ACYP2: variants seen among roughly 807,000 people sequenced by gnomAD.
ACYP2 encodes acylphosphatase 2.
ACYP2 carries 12 observed loss-of-function variants against 11.2 expected under a neutral mutation model. The ratio of observed to expected loss-of-function variants is 1.08; its 90% CI spans 0.69 to 1.74. The LOEUF (loss-of-function observed/expected upper bound fraction) is 1.74, where lower values mean the gene tolerates loss of function less well. Among genes scored for constraint, ACYP2 ranks in the 40% most tolerant of loss-of-function variants. ACYP2 has a pLI of 0.00. For synonymous variants in ACYP2, 43 were observed against 32.2 expected (o/e 1.33, Z -1.13); for missense variants, 134 against 101.9 (o/e 1.31, Z -1.35).
chr2:54,202,706 CTTTTTTTTTTTTTTTT>C (rs70944152), intron 6 of ACYP2, among the ~76,000 whole-genome samples: 4 of 43,052 alleles, frequency 9.3e-5, no homozygotes, highest in Non-Finnish European at 1.3e-4. Flanking sequence ...CGGCGCCTGG[CTTTTTTTTTTTTTTTT>C]TTTTTTTTTT....
At chr2:54,049,792 T>A (rs1449663710) in intron 2 of ACYP2, among the ~76,000 whole-genome samples, 1 of 152,240 alleles carries the variant, frequency 6.6e-6, no homozygotes, top group Non-Finnish European at 1.5e-5. Context: ...CTCTTTCAGA[T>A]TGGCTCCACA....
At chr2:54,130,829 T>C (rs1360729665) in intron 4 of ACYP2, among the ~76,000 whole-genome samples, 4 of 152,194 alleles carry the variant, frequency 2.6e-5, no homozygotes, top group African/African-American at 9.7e-5. Context: ...CTCCTATCTG[T>C]AATGTTCTAC....
At chr2:54,101,801 C>T (rs1392303844) in intron 4 of ACYP2, among the ~76,000 whole-genome samples, 2 of 151,866 alleles carry the variant, frequency 1.3e-5, no homozygotes, top group Non-Finnish European at 2.9e-5. Flanking sequence ...TTTAGCTTAA[C>T]GGAAAAATGA....
At chr2:54,083,709 C>T (rs57056959) in intron 4 of ACYP2, among the ~76,000 whole-genome samples, 60 of 152,192 alleles carry the variant, frequency 3.9e-4, no homozygotes, top group African/African-American at 1.4e-3. Flanking sequence ...CCCCATCCCC[C>T]CAAAGGCACA....
chr2:54,201,622 TTG>T (rs70944150), intron 6 of ACYP2, among the ~76,000 whole-genome samples: 2,553 of 105,296 alleles, frequency 0.024, 66 homozygotes, highest in South Asian at 0.04. Flanking sequence ...CTTTCTTTCT[TTG>T]TTTCTTTCTT....
Position 54,203,400 on chromosome 2 carries a change from T to C in ACYP2, c.404+64652T>C, listed in dbSNP as rs529334181. Among the ~76,000 whole-genome samples the C allele has an allele frequency of 4.6e-5, 7 of 152,200 alleles. No individual in the cohort carries two copies. The South Asian group carries it at 1.4e-3, about 31-fold the overall frequency. ...AGAATCATCTATATATAAGATCATG[T>C]CATATGCAAATAGAGATAGTTTTAC... On this transcript the variant is annotated intron_variant, in intron 6 of 6. Coordinates refer to ENST00000607452, the MANE Select transcript of ACYP2 (RefSeq NM_001320586.2).
At chr2:54,128,474 C>G (rs1022279608) in intron 4 of ACYP2, among the ~76,000 whole-genome samples, 1 of 151,944 alleles carries the variant, frequency 6.6e-6, no homozygotes, top group African/African-American at 2.4e-5. Flanking sequence ...TTGAGACTAG[C>G]CTGAGCAGCA....
intron 6 of ACYP2, among the ~76,000 whole-genome samples, chr2:54,150,454 C>T (rs1041380802): frequency 2.0e-5 from 3 of 152,146 alleles, no homozygotes; most frequent in African/African-American, 7.2e-5. Flanking sequence ...AGAGTTTCGC[C>T]TTGTGGCCCA....
intron 6 of ACYP2, among the ~76,000 whole-genome samples, chr2:54,285,469 A>T (rs539536958): frequency 1.3e-5 from 2 of 152,232 alleles, no homozygotes; most frequent in South Asian, 4.2e-4. Flanking sequence ...CCAATTTATA[A>T]TTCCAGTTTC....
chr2:54,208,869 G>A (rs1215148), intron 6 of ACYP2, among the ~76,000 whole-genome samples: 35,868 of 151,994 alleles, frequency 0.24, 4,552 homozygotes, highest in South Asian at 0.38. Flanking sequence ...GTGATTGTGT[G>A]TGTGTGTGCA....
intron 2 of ACYP2, among the ~76,000 whole-genome samples, chr2:54,011,385 A>G (rs953967976): frequency 6.6e-6 from 1 of 152,130 alleles, no homozygotes; most frequent in African/African-American, 2.4e-5. Flanking sequence ...AATAATATTC[A>G]TTGGCACTGT....
intron 2 of ACYP2, among the ~76,000 whole-genome samples, chr2:54,012,275 C>G (rs1673415873): frequency 6.6e-6 from 1 of 151,862 alleles, no homozygotes; most frequent in Non-Finnish European, 1.5e-5. Context: ...GACATGGTGG[C>G]TCACACGATC....
At chr2:54,006,320 G>C (rs1673060848) in intron 2 of ACYP2, among the ~76,000 whole-genome samples, 1 of 151,984 alleles carries the variant, frequency 6.6e-6, no homozygotes, top group African/African-American at 2.4e-5. Flanking sequence ...GCTAATTTTT[G>C]TATTTTTAGT....
intron 6 of ACYP2, chr2:54,166,867 C>G (rs1444497946): frequency 2.0e-5 from 3 of 152,152 alleles, no homozygotes; most frequent in African/African-American, 7.2e-5. Flanking sequence ...AGATGCAGCT[C>G]ACAAGCCAGG....
chr2:54,164,555 G>A (rs1195154619), intron 6 of ACYP2, among the ~76,000 whole-genome samples: 2 of 152,158 alleles, frequency 1.3e-5, no homozygotes, highest in African/African-American at 4.8e-5. Flanking sequence ...AAGAGAACTG[G>A]CAAAGGGACA....
At position 54,235,219 on chromosome 2, in the gene ACYP2, G is replaced by A. The variant is rs1041638856; in HGVS notation, c.405-69469G>A. Reference sequence around the variant, plus strand: ...TGCTAGCCTTGTAAGATGAGCTGAGGATGGGGAGAATGTTTCCTATTCTCT... The same window carrying A: ...TGCTAGCCTTGTAAGATGAGCTGAGAATGGGGAGAATGTTTCCTATTCTCT... On this transcript the variant is annotated intron_variant, in intron 6 of 6. Transcript: ENST00000607452. Among the ~76,000 whole-genome samples the A allele has an allele frequency of 3.3e-5, 5 of 152,068 alleles. No individual in the cohort carries two copies. In the East Asian group the frequency reaches 9.6e-4, roughly 29 times the overall value.
chr2:54,198,027 GTATTGTATTT>G, intron 6 of ACYP2, among the ~76,000 whole-genome samples: 1 of 86,684 alleles, frequency 1.2e-5, no homozygotes, highest in African/African-American at 4.5e-5. Flanking sequence ...GTATTGTATT[GTATTGTATTT>G]TAAGACAGTT....
chr2:54,280,722 G>A lies in ACYP2; in HGVS notation c.405-23966G>A, dbSNP rs189151566. Among the ~76,000 whole-genome samples the A allele has an allele frequency of 5.3e-5, 8 of 152,318 alleles. 1 individual carries two copies. Among genetic ancestry groups the A allele is most frequent in the African/African-American group, 1.7e-4 (7 of 41,564 alleles). ...GTCTGTGACAACCTTCCTGAGAGCC[G>A]TTTTAGTGGAGGAGTTGTCTTGGAA... is the stretch of plus-strand genomic sequence containing the variant. On this transcript the variant is annotated intron_variant, in intron 6 of 6. Coordinates refer to ENST00000607452, the MANE Select transcript of ACYP2 (RefSeq NM_001320586.2).
chr2:54,113,210 C>A (rs936371015), intron 4 of ACYP2, among the ~76,000 whole-genome samples: 4 of 151,018 alleles, frequency 2.6e-5, no homozygotes, highest in African/African-American at 9.7e-5. Context: ...TGACAAGAAA[C>A]AAGAGTCTGC....
Sources: gnomAD v4.1 joint callset for allele counts (sites outside exome capture counted in the v4.1 genomes callset) on GRCh38, gnomAD v4.1.1 for gene constraint, MANE v1.5 for transcripts, NCBI Gene and HGNC (gene_info 2026-07-23, HGNC 2026-07-21) for gene names.